Variants in CCDC73 observed in about 807,000 individuals in gnomAD.
CCDC73 encodes the protein coiled-coil domain containing 73.
CCDC73 carries 95 observed loss-of-function variants against 116.5 expected under a neutral mutation model. The ratio of observed to expected loss-of-function variants is 0.82; its 90% CI spans 0.69 to 0.97. CCDC73 has a LOEUF of 0.97. CCDC73 is among the 50% of genes least tolerant of loss of function. The pLI is 0.00. For synonymous variants in CCDC73, 398 were observed against 401.3 expected, an observed-to-expected ratio of 0.99 and a Z score of 0.10; for missense variants, 1,066 against 1,206.8, an observed-to-expected ratio of 0.88 and a Z score of 1.73.
rs188531150 is a variant in CCDC73, at chr11:32,714,191, A to T, written c.207+3885T>A. ...AACTTGAAGAAAAGTAGAGAGGACT[A>T]ATGGCACACTGTATCTGACACTCTT... is the stretch of plus-strand genomic sequence containing the variant. On this transcript the variant is annotated intron_variant, in intron 3 of 17. Coordinates refer to ENST00000335185, the MANE Select transcript of CCDC73 (RefSeq NM_001008391.4). 1.0e-3 allele frequency among the ~76,000 whole-genome samples: 152 copies of T among 152,204 alleles called. 1 individual carries two copies. Among genetic ancestry groups the T allele is most frequent in the East Asian group, 1.2e-3 (6 of 5,192 alleles).
chr11:32,656,084 C>CT (rs35610291), intron 9 of CCDC73, among the ~76,000 whole-genome samples: 60,843 of 145,372 alleles, frequency 0.42, 12,808 homozygotes, highest in Middle Eastern at 0.45. Flanking sequence ...CTTTTCTTTT[C>CT]TTTTTTTTTT....
chr11:32,824,108 T>G, the CCDC73 span, among the ~76,000 whole-genome samples: 3 of 152,116 alleles, frequency 2.0e-5, no homozygotes, highest in African/African-American at 7.2e-5. Flanking sequence ...TTGGCCAGGC[T>G]GGTCTCGAAT....
intron 12 of CCDC73, among the ~76,000 whole-genome samples, chr11:32,647,692 A>AT (rs1194521589): frequency 1.3e-5 from 2 of 151,992 alleles, no homozygotes; most frequent in African/African-American, 4.8e-5. Context: ...GGAATCTTCC[A>AT]TTTTTCTGCC....
At chr11:32,616,297 G>A (rs1047829207) in intron 14 of CCDC73, among the ~76,000 whole-genome samples, 168 bp from the exon 15 acceptor site, 6 of 151,960 alleles carry the variant, frequency 3.9e-5, no homozygotes, top group African/African-American at 7.3e-5. Flanking sequence ...TCTTTATAAC[G>A]ATATCACTTT....
At chr11:32,671,720 A>C (rs1422946573) in intron 9 of CCDC73, among the ~76,000 whole-genome samples, 1 of 152,218 alleles carries the variant, frequency 6.6e-6, no homozygotes, top group African/African-American at 2.4e-5. Flanking sequence ...CAGTTACTTG[A>C]ACTTTGAAGT....
chr11:32,751,821 A>C (rs1850289641), intron 2 of CCDC73, among the ~76,000 whole-genome samples: 2 of 152,208 alleles, frequency 1.3e-5, no homozygotes, highest in African/African-American at 4.8e-5. Context: ...TGCAGGAAGG[A>C]CAATTGGTAG....
chr11:32,670,029 T>C, intron 9 of CCDC73, among the ~76,000 whole-genome samples: 1 of 152,220 alleles, frequency 6.6e-6, no homozygotes, highest in South Asian at 2.1e-4. Context: ...ATACTAATCA[T>C]ATTGGCTTTA....
At chr11:32,777,279 A>G (rs1565099457) in intron 1 of CCDC73, among the ~76,000 whole-genome samples, 1 of 150,796 alleles carries the variant, frequency 6.6e-6, no homozygotes, top group African/African-American at 2.4e-5. Flanking sequence ...TAATTTTTGT[A>G]TTTTTAGTAA....
chr11:32,830,308 T>C, the CCDC73 span: 2 of 836,188 alleles, frequency 2.4e-6, no homozygotes, highest in Non-Finnish European at 3.2e-6. Flanking sequence ...CTCGGCAGGG[T>C]CACTGGGCAC....
intron 6 of CCDC73, among the ~76,000 whole-genome samples, chr11:32,685,040 TTCA>T (rs1234433303): frequency 6.6e-6 from 1 of 152,108 alleles, no homozygotes; most frequent in East Asian, 1.9e-4. Flanking sequence ...TGTATGAGTG[TTCA>T]TCTTCTTAAA....
chr11:32,614,340 A>T lies in CCDC73; in HGVS notation c.1978T>A (p.Cys660Ser), dbSNP rs777853565. ...AACAGTTGTATTTGTTTTATTTTAC[A>T]TTGTTTATCATCTAACATAACATTA... is the stretch of plus-strand genomic sequence containing the variant. ...SSNVMLDDKQ[C>S]KIKQIQLLTK... Residue 660 changes from cysteine to serine, a missense_variant, in exon 16 of 18, where the codon TGT (cysteine) becomes AGT (serine). Coordinates refer to ENST00000335185, the MANE Select transcript of CCDC73 (RefSeq NM_001008391.4). 4 of 1,611,512 alleles carry T rather than the reference A, an allele frequency of 2.5e-6. 1 individual carries two copies. In the South Asian group the frequency reaches 4.4e-5, roughly 18 times the overall value.
At chr11:32,750,111 C>A (rs902654913) in intron 2 of CCDC73, among the ~76,000 whole-genome samples, 4 of 152,118 alleles carry the variant, frequency 2.6e-5, no homozygotes, top group Admixed American at 1.3e-4. Context: ...ACCTCGTGAT[C>A]CGCCTGCCTC....
chr11:32,640,880 G>T (rs1292339231), intron 13 of CCDC73, among the ~76,000 whole-genome samples: 2 of 152,014 alleles, frequency 1.3e-5, no homozygotes, highest in Non-Finnish European at 2.9e-5. Flanking sequence ...AGCCGGGCGT[G>T]GTGGCGGGTG....
chr11:32,820,645 T>C, the CCDC73 span, among the ~76,000 whole-genome samples: 2 of 152,202 alleles, frequency 1.3e-5, no homozygotes, highest in African/African-American at 4.8e-5. Context: ...GTCTCCACAC[T>C]TATTGAAGTG....
At chr11:32,789,405 A>G (rs188214416) in intron 1 of CCDC73, among the ~76,000 whole-genome samples, 477 of 152,314 alleles carry the variant, frequency 3.1e-3, no homozygotes, top group African/African-American at 0.011. Context: ...AACAAAGAAA[A>G]ATGTATTCGT....
At chr11:32,818,520 G>A in the CCDC73 span, among the ~76,000 whole-genome samples, 1 of 152,152 alleles carries the variant, frequency 6.6e-6, no homozygotes. Flanking sequence ...CGTAAACATA[G>A]AGTTACCATA....
chr11:32,815,656 A>G, the CCDC73 span, among the ~76,000 whole-genome samples: 1 of 152,162 alleles, frequency 6.6e-6, no homozygotes, highest in Admixed American at 6.5e-5. Flanking sequence ...TTTGGTTGGT[A>G]TCATCTTTCC....
intron 2 of CCDC73, among the ~76,000 whole-genome samples, chr11:32,739,774 A>C (rs1181739768): frequency 5.3e-5 from 8 of 150,286 alleles, no homozygotes; most frequent in African/African-American, 1.8e-4. Flanking sequence ...ATTTTAGAGG[A>C]AAAGGTTTCA....
At chr11:32,693,538 A>G (rs1856280570) in intron 6 of CCDC73, among the ~76,000 whole-genome samples, 1 of 152,210 alleles carries the variant, frequency 6.6e-6, no homozygotes, top group Non-Finnish European at 1.5e-5. Context: ...AATACTCTCT[A>G]TAGGGAATCA....
Sources: allele counts gnomAD v4.1 joint callset (sites outside exome capture counted in the v4.1 genomes callset), GRCh38; gene constraint gnomAD v4.1.1; transcripts MANE v1.5; gene names NCBI Gene and HGNC (gene_info 2026-07-23, HGNC 2026-07-21).